The following DIP2B variants were observed in gnomAD, a reference collection of about 807,000 sequenced individuals.
The protein encoded by DIP2B is disco-interacting protein 2 homolog B.
A neutral mutation model predicts 198.0 loss-of-function variants in DIP2B; 76 were observed. The observed-to-expected ratio is 0.38, with a 90% confidence interval of 0.32 to 0.46. The LOEUF (loss-of-function observed/expected upper bound fraction) is 0.46. Ranked by LOEUF, DIP2B falls within the 20% of genes least tolerant of loss-of-function variation. The pLI, the probability that DIP2B is intolerant of heterozygous loss-of-function variation, is 0.99. For synonymous variants in DIP2B, 701 were observed against 739.1 expected (o/e 0.95, Z 0.84); for missense variants, 1,559 against 1,978.4 (o/e 0.79, Z 4.02).
Position 50,525,513 on chromosome 12 carries a change from C to CCTTTTTTTTT in DIP2B, c.100+20273_100+20274insCTTTTTTTTT, listed in dbSNP as rs1004857804. ...ATGCATGTTGCTGCCTCTAGGTCCCCTTTTTTTTTTTTTTTTTGAGACAGA... is the reference window on the plus strand; with the variant it reads ...ATGCATGTTGCTGCCTCTAGGTCCCCCTTTTTTTTTTTTTTTTTTTTTTTTTTGAGACAGA... On this transcript the variant is annotated intron_variant, in intron 1 of 37. Transcript: ENST00000301180. Among the ~76,000 whole-genome samples the CCTTTTTTTTT allele has an allele frequency of 1.4e-5, 2 of 139,360 alleles. 1 individual carries two copies. The highest frequency in any genetic ancestry group is 5.3e-5 in the African/African-American group (2 of 37,752). The allele number at this position is 139,360 out of a possible 152,430, so 91.4% of individuals were successfully genotyped here. A position where few individuals can be genotyped will look rare whatever the true frequency, so the allele number is the denominator to read the frequency against.
intron 1 of DIP2B, among the ~76,000 whole-genome samples, chr12:50,529,792 G>A (rs1374201686): frequency 1.3e-5 from 2 of 151,924 alleles, no homozygotes; most frequent in East Asian, 3.9e-4. Flanking sequence ...CCGGGAGGCA[G>A]AGATTGCAGT....
At chr12:50,530,401 G>A (rs1054637290) in intron 1 of DIP2B, among the ~76,000 whole-genome samples, 2 of 152,162 alleles carry the variant, frequency 1.3e-5, no homozygotes, top group African/African-American at 4.8e-5. Context: ...TTTCTTCAGG[G>A]GAAAGAGCAT....
At chr12:50,650,992 G>GA (rs1241039768) in intron 3 of DIP2B, among the ~76,000 whole-genome samples, 2 of 151,924 alleles carry the variant, frequency 1.3e-5, no homozygotes, top group Admixed American at 6.6e-5. Context: ...TTTTGATATA[G>GA]AAAAAAAATC....
chr12:50,507,710 A>G (rs1219728016), intron 1 of DIP2B, among the ~76,000 whole-genome samples: 4 of 151,896 alleles, frequency 2.6e-5, no homozygotes, highest in African/African-American at 4.8e-5. Context: ...TTTTTTTTGT[A>G]TTTATAGTAG....
intron 1 of DIP2B, among the ~76,000 whole-genome samples, chr12:50,604,072 G>C: frequency 6.6e-6 from 1 of 151,348 alleles, no homozygotes. Flanking sequence ...TGGATTGTAC[G>C]CTCCTAGATA....
At position 50,626,029 on chromosome 12, in the gene DIP2B, T is replaced by C. The variant is rs1937927227; in HGVS notation, c.154T>C (p.Tyr52His). 1 of 1,613,970 alleles carries C rather than the reference T, an allele frequency of 6.2e-7. No individual in the cohort carries two copies. The highest frequency in any genetic ancestry group is 8.5e-7 in the Non-Finnish European group (1 of 1,179,978). ...GAAAAGGTCCAAACTCCTATCTCCT[T>C]ACAGCCCGCAGACACAAGGTAGGCA... is the stretch of plus-strand genomic sequence containing the variant. ...EKKRSKLLSPYSPQTQETDSA... is the reference protein window; with the variant it reads ...EKKRSKLLSPHSPQTQETDSA... The change falls in exon 2 of 38, where the codon TAC becomes CAC. Residue 52 changes from tyrosine (Y) to histidine (H), a missense_variant. Tyr to His is a moderately conservative substitution (Grantham distance 83). Transcript: ENST00000301180.
At chr12:50,540,727 T>A (rs898276708) in intron 1 of DIP2B, among the ~76,000 whole-genome samples, 7 of 151,334 alleles carry the variant, frequency 4.6e-5, no homozygotes, top group African/African-American at 1.7e-4. Flanking sequence ...TTTTTGTATT[T>A]TTTAGTAGAG....
Position 50,735,190 on chromosome 12 carries a change from A to G in DIP2B, c.4101+60A>G. 3 of 1,577,882 alleles carry G rather than the reference A, an allele frequency of 1.9e-6. No homozygotes were observed. The East Asian group carries it at 6.7e-5, about 35-fold the overall frequency. On this transcript the variant is annotated intron_variant, in intron 34 of 37. Transcript: ENST00000301180. The stretch of plus-strand genomic sequence containing the variant: ...TGTGTGGAGAAGTGGTTCAGTTTAA[A>G]GAAACCAGAAGCCATATAATATATT...
chr12:50,576,489 T>A (rs1465751453), intron 1 of DIP2B, among the ~76,000 whole-genome samples: 2 of 151,682 alleles, frequency 1.3e-5, no homozygotes, highest in Non-Finnish European at 2.9e-5. Context: ...CACCTTTTTT[T>A]TCTTTTTTAG....
At chr12:50,699,329 G>A in intron 19 of DIP2B, 127 bp downstream of exon 19, 1 of 1,382,644 alleles carries the variant, frequency 7.2e-7, no homozygotes, top group Non-Finnish European at 9.8e-7. Context: ...AGCTAGACTT[G>A]CCTAAGTTCA....
chr12:50,519,808 G>GT (rs5798142), intron 1 of DIP2B, among the ~76,000 whole-genome samples: 54,691 of 148,346 alleles, frequency 0.37, 10,050 homozygotes, highest in Admixed American at 0.4. Flanking sequence ...TTTCTTGGAG[G>GT]TTTTTTTTTT....
intron 37 of DIP2B, among the ~76,000 whole-genome samples, chr12:50,742,599 A>C (rs966360210): frequency 5.9e-5 from 9 of 152,000 alleles, no homozygotes; most frequent in African/African-American, 2.2e-4. Context: ...TTCTTTGTCT[A>C]AAAATGCTCT....
intron 1 of DIP2B, among the ~76,000 whole-genome samples, chr12:50,526,497 A>C (rs184768431): frequency 6.6e-6 from 1 of 152,170 alleles, no homozygotes; most frequent in Non-Finnish European, 1.5e-5. Flanking sequence ...TTCAGAATAC[A>C]CAGCTCCAAG....
chr12:50,730,655 G>A (rs1206592950), intron 30 of DIP2B, among the ~76,000 whole-genome samples: 1 of 152,038 alleles, frequency 6.6e-6, no homozygotes, highest in African/African-American at 2.4e-5. Flanking sequence ...CCAAAGTACT[G>A]GGATTACAGG....
chr12:50,578,710 G>C (rs910062472), intron 1 of DIP2B, among the ~76,000 whole-genome samples: 7 of 151,348 alleles, frequency 4.6e-5, no homozygotes, highest in African/African-American at 1.5e-4. Flanking sequence ...GGGTTTCACC[G>C]TGTTAGCCAG....
intron 1 of DIP2B, among the ~76,000 whole-genome samples, chr12:50,538,715 G>A (rs1006328869): frequency 1.3e-5 from 2 of 152,054 alleles, no homozygotes; most frequent in South Asian, 4.1e-4. Context: ...TCTTCACTCT[G>A]TATGTACAAA....
chr12:50,633,489 G>A (rs1938101494), intron 2 of DIP2B: 1 of 152,130 alleles, frequency 6.6e-6, no homozygotes, highest in Non-Finnish European at 1.5e-5. Context: ...TTAATATTAA[G>A]CATGGCTGGC....
rs188345837 is a variant in DIP2B, at chr12:50,635,719, C to G, written c.173-5005C>G. Among the ~76,000 whole-genome samples the G allele has an allele frequency of 1.7e-3, 252 of 152,282 alleles. 1 individual carries two copies. The highest frequency in any genetic ancestry group is 2.2e-3 in the Non-Finnish European group (150 of 68,034). ...CTCTAATAATGCCTCCTGGAGTAGT[C>G]TGTAACCCTATTTTCCTTAATGTCC... On this transcript the variant is annotated intron_variant, in intron 2 of 37. Transcript: ENST00000301180.
chr12:50,714,890 G>A (rs763598644), intron 23 of DIP2B, among the ~76,000 whole-genome samples: 1 of 152,162 alleles, frequency 6.6e-6, no homozygotes, highest in Non-Finnish European at 1.5e-5. Context: ...AACCGAGATT[G>A]CGCCATTGCA....
Sources: gnomAD v4.1 joint callset for allele counts (sites outside exome capture counted in the v4.1 genomes callset) on GRCh38, gnomAD v4.1.1 for gene constraint, MANE v1.5 for transcripts, NCBI Gene and HGNC (gene_info 2026-07-23, HGNC 2026-07-21) for gene names.